Variants in OR10J1 observed in about 807,000 individuals in gnomAD.
OR10J1 encodes the protein olfactory receptor 10J1.
For missense variants in OR10J1, 474 were observed against 376.6 expected (o/e 1.26, Z -2.14); for synonymous variants, 202 against 143.8 (o/e 1.40, Z -2.89).
chr1:159,412,715 T>A, the OR10J1 span, among the ~76,000 whole-genome samples: 13 of 151,990 alleles, frequency 8.6e-5, no homozygotes, highest in African/African-American at 2.4e-4. Flanking sequence ...TAAATGTTAG[T>A]CCTAAAACCA....
At chr1:159,412,098 G>A in the OR10J1 span, among the ~76,000 whole-genome samples, 1 of 151,990 alleles carries the variant, frequency 6.6e-6, no homozygotes, top group Non-Finnish European at 1.5e-5. Context: ...TTGCTTCAAA[G>A]AGAATAAAAT....
the OR10J1 span, among the ~76,000 whole-genome samples, chr1:159,403,058 T>C: frequency 2.0e-5 from 3 of 152,072 alleles, no homozygotes; most frequent in African/African-American, 2.4e-5. Flanking sequence ...GGTATACATA[T>C]GCACAAGGAT....
chr1:159,440,410 G>A lies in OR10J1; in HGVS notation c.619G>A (p.Val207Ile), dbSNP rs772389245. The change falls in exon 1 of 1, where the codon GTT becomes ATT. Residue 207 changes from valine to isoleucine, a missense_variant. Val to Ile is a conservative substitution (Grantham distance 29). Coordinates refer to ENST00000423932, the MANE Select transcript of OR10J1 (RefSeq NM_012351.3). ...LTLIISVLVLVVPMGLVFISY... is the reference protein window; with the variant it reads ...LTLIISVLVLIVPMGLVFISY... The stretch of plus-strand genomic sequence containing the variant: ...TTTGATTATCAGTGTGCTGGTGCTT[G>A]TTGTACCTATGGGTCTGGTTTTCAT... The A allele has an allele frequency of 3.1e-6, 5 of 1,614,144 alleles. No homozygotes were observed. In the South Asian group the frequency reaches 5.5e-5, roughly 18 times the overall value.
the OR10J1 span, among the ~76,000 whole-genome samples, chr1:159,413,557 G>A: frequency 6.6e-6 from 1 of 151,992 alleles, no homozygotes; most frequent in Non-Finnish European, 1.5e-5. Context: ...GATGAAATGG[G>A]AAATCATCAT....
chr1:159,422,954 C>T, the OR10J1 span, among the ~76,000 whole-genome samples: 1 of 152,114 alleles, frequency 6.6e-6, no homozygotes, highest in African/African-American at 2.4e-5. Context: ...TATAACTGTT[C>T]TGTTGAATTC....
At chr1:159,409,867 G>A in the OR10J1 span, among the ~76,000 whole-genome samples, 8 of 152,052 alleles carry the variant, frequency 5.3e-5, no homozygotes, top group East Asian at 1.9e-4. Flanking sequence ...TTTGAGATAC[G>A]TCCCATCAAT....
chr1:159,420,451 G>A, the OR10J1 span, among the ~76,000 whole-genome samples: 1 of 152,052 alleles, frequency 6.6e-6, no homozygotes, highest in African/African-American at 2.4e-5. Flanking sequence ...TTTTGTAGTG[G>A]TAACATTTGA....
upstream of OR10J1, among the ~76,000 whole-genome samples, chr1:159,436,007 T>A (rs1383673953): frequency 6.6e-6 from 1 of 152,202 alleles, no homozygotes; most frequent in Non-Finnish European, 1.5e-5. Flanking sequence ...TTTGGAGGCC[T>A]ATGTGAGACA....
the OR10J1 span, chr1:159,405,590 G>A: frequency 7.5e-5 from 30 of 401,314 alleles, no homozygotes; most frequent in Non-Finnish European, 1.4e-4. Flanking sequence ...TGGGACTTAA[G>A]CTTCAGGTAG....
the OR10J1 span, among the ~76,000 whole-genome samples, chr1:159,417,242 AG>A: frequency 2.4e-4 from 36 of 152,170 alleles, no homozygotes; most frequent in African/African-American, 8.4e-4. Context: ...GTCTCCCACA[AG>A]TCTTGGTATG....
At chr1:159,404,643 C>T in the OR10J1 span, among the ~76,000 whole-genome samples, 1 of 152,064 alleles carries the variant, frequency 6.6e-6, no homozygotes, top group Non-Finnish European at 1.5e-5. Context: ...CTGTACTATC[C>T]AATGAAGACC....
chr1:159,414,925 T>G, the OR10J1 span, among the ~76,000 whole-genome samples: 3 of 152,042 alleles, frequency 2.0e-5, no homozygotes, highest in Non-Finnish European at 4.4e-5. Flanking sequence ...TTTAATTGGA[T>G]TTTTATTTTT....
upstream of OR10J1, among the ~76,000 whole-genome samples, chr1:159,437,590 T>C (rs1479312709): frequency 6.6e-6 from 1 of 152,360 alleles, no homozygotes; most frequent in South Asian, 2.1e-4. Context: ...TCAAATGTTA[T>C]TTCAACTTGA....
rs1288671783 is a variant in OR10J1, at chr1:159,440,118, CACTA to C, written c.331_334del (p.Asn111AlafsTer19). 1 of 1,614,152 alleles carries C rather than the reference CACTA, an allele frequency of 6.2e-7. No individual in the cohort carries two copies. The highest frequency in any genetic ancestry group is 2.2e-5 in the East Asian group (1 of 44,876). ...TGTTCTTTTTTGTAACCTTTGGCAT[CACTA>C]ACTGCTTCCTGCTCACAGCAATGGG... is the stretch of plus-strand genomic sequence containing the variant. On this transcript the variant is annotated frameshift_variant, in exon 1 of 1. Transcript: ENST00000423932. LOFTEE classifies it low-confidence loss of function (END_TRUNC).
chr1:159,424,168 A>G, the OR10J1 span, among the ~76,000 whole-genome samples: 1 of 151,550 alleles, frequency 6.6e-6, no homozygotes, highest in South Asian at 2.1e-4. Flanking sequence ...TTGAGCAGAG[A>G]TCATGCCACT....
chr1:159,398,758 C>T, the OR10J1 span, among the ~76,000 whole-genome samples: 1 of 151,892 alleles, frequency 6.6e-6, no homozygotes, highest in Non-Finnish European at 1.5e-5. Flanking sequence ...AGTATGCCTA[C>T]AGAATCTAGA....
the OR10J1 span, among the ~76,000 whole-genome samples, chr1:159,421,229 T>C: frequency 6.6e-6 from 1 of 152,076 alleles, no homozygotes; most frequent in Non-Finnish European, 1.5e-5. Flanking sequence ...AATTCTTCAA[T>C]TTTAGAATTT....
At chr1:159,429,226 A>G in the OR10J1 span, among the ~76,000 whole-genome samples, 1 of 152,240 alleles carries the variant, frequency 6.6e-6, no homozygotes, top group Admixed American at 6.5e-5. Flanking sequence ...GGCTTACACT[A>G]CAGGTGTAGT....
the OR10J1 span, among the ~76,000 whole-genome samples, chr1:159,417,861 T>C: frequency 8.5e-5 from 13 of 152,192 alleles, no homozygotes; most frequent in African/African-American, 3.1e-4. Flanking sequence ...TATAATGATA[T>C]GGACAATGAA....
Sources: gnomAD v4.1 joint callset for allele counts (sites outside exome capture counted in the v4.1 genomes callset) on GRCh38, gnomAD v4.1.1 for gene constraint, MANE v1.5 for transcripts, NCBI Gene and HGNC (gene_info 2026-07-23, HGNC 2026-07-21) for gene names.